Variants in DIP2A observed in about 807,000 individuals in gnomAD.
DIP2A encodes DIP2 acetate--CoA ligase A.
Under a neutral mutation model 177.4 loss-of-function variants are expected in DIP2A, and 85 were observed. The observed-to-expected ratio is 0.48, with a 90% confidence interval of 0.40 to 0.57. DIP2A has a LOEUF of 0.57. DIP2A is among the 20% of genes least tolerant of loss of function. The pLI, the probability that DIP2A is intolerant of heterozygous loss-of-function variation, is 0.00. For synonymous variants in DIP2A, 886 were observed against 881.8 expected, an observed-to-expected ratio of 1.00 and a Z score of -0.08; for missense variants, 1,791 against 2,100.2, an observed-to-expected ratio of 0.85 and a Z score of 2.88.
Position 46,549,891 on chromosome 21 carries a change from C to T in DIP2A, c.2637+6C>T, listed in dbSNP as rs769935089. 36 of 1,609,182 alleles carry T rather than the reference C, an allele frequency of 2.2e-5. No individual in the cohort carries two copies. In the East Asian group the frequency reaches 2.7e-4, roughly 12 times the overall value. On this transcript the variant is annotated splice_donor_region_variant and intron_variant, in intron 22 of 37. Coordinates refer to ENST00000417564, the MANE Select transcript of DIP2A (RefSeq NM_015151.4). ...GGATGAGCCGTGTGCTGCAGGTGGG[C>T]GCCCCGGCACGGCCTATGGTTCGGT...
intron 1 of DIP2A, among the ~76,000 whole-genome samples, chr21:46,470,366 C>T (rs1339305184): frequency 6.6e-6 from 1 of 151,958 alleles, no homozygotes; most frequent in Non-Finnish European, 1.5e-5. Flanking sequence ...CCCAGCTACT[C>T]GGAACGCTGA....
intron 1 of DIP2A, among the ~76,000 whole-genome samples, chr21:46,482,524 C>T (rs1200662058): frequency 6.6e-6 from 1 of 152,088 alleles, no homozygotes; most frequent in Non-Finnish European, 1.5e-5. Flanking sequence ...ATTTACTGTA[C>T]AATTTATTGT....
At chr21:46,477,769 A>G (rs2056030211) in intron 1 of DIP2A, among the ~76,000 whole-genome samples, 1 of 151,116 alleles carries the variant, frequency 6.6e-6, no homozygotes, top group Admixed American at 6.6e-5. Flanking sequence ...TTTTTGGTAG[A>G]GGCAGGGTTT....
intron 8 of DIP2A, among the ~76,000 whole-genome samples, chr21:46,518,008 T>G (rs1265057411): frequency 1.3e-5 from 2 of 152,288 alleles, no homozygotes; most frequent in African/African-American, 2.4e-5. Flanking sequence ...GCAGGAGTGC[T>G]GGTCTGCCAC....
the DIP2A span, among the ~76,000 whole-genome samples, chr21:46,583,547 T>C: frequency 1.3e-5 from 2 of 152,228 alleles, no homozygotes; most frequent in South Asian, 2.1e-4. Context: ...TTGATATAGT[T>C]TGAATTTTTG....
intron 8 of DIP2A, among the ~76,000 whole-genome samples, chr21:46,517,464 C>T (rs1451852172): frequency 6.6e-6 from 1 of 152,160 alleles, no homozygotes; most frequent in African/African-American, 2.4e-5. Context: ...CCTCTTTCCC[C>T]TCCAAGTAGA....
At chr21:46,561,576 G>A in intron 33 of DIP2A, 172 bp from the exon 34 acceptor site, 1 of 854,968 alleles carries the variant, frequency 1.2e-6, no homozygotes, top group Non-Finnish European at 1.9e-6. Flanking sequence ...TGGGACCGCA[G>A]CGTGGTTGGG....
At position 46,538,497 on chromosome 21, in the gene DIP2A, G is replaced by T. The variant is rs1186066353; in HGVS notation, c.1816G>T (p.Val606Leu). Reference protein sequence around the residue: ...VCFYKARAALVKSRDMHWSLL... With the variant: ...VCFYKARAALLKSRDMHWSLL... Reference sequence around the variant, plus strand: ...TCTCTCTGCAGCTCGGGCCGCGCTGGTGAAGTCGCGAGACATGCACTGGTC... The same window carrying T: ...TCTCTCTGCAGCTCGGGCCGCGCTGTTGAAGTCGCGAGACATGCACTGGTC... The change falls in exon 16 of 38, where the codon GTG (valine) becomes TTG (leucine). Residue 606 changes from valine (V) to leucine (L), a missense_variant. Physicochemically the swap from Val to Leu is conservative, Grantham distance 32 (BLOSUM62 1). Coordinates refer to ENST00000417564, the MANE Select transcript of DIP2A (RefSeq NM_015151.4). 6.5e-7 allele frequency: 1 copy of T among 1,548,262 alleles called. No homozygotes were observed. Among genetic ancestry groups the T allele is most frequent in the Admixed American group, 1.9e-5 (1 of 51,386 alleles).
At chr21:46,566,105 G>A (rs894397184) in intron 36 of DIP2A, among the ~76,000 whole-genome samples, 8 of 152,130 alleles carry the variant, frequency 5.3e-5, no homozygotes, top group African/African-American at 1.7e-4. Context: ...TGCTGAGGGC[G>A]TGGGGGACGG....
intron 4 of DIP2A, 86 bp downstream of exon 4, chr21:46,497,193 A>G: frequency 4.7e-6 from 7 of 1,494,382 alleles, no homozygotes; most frequent in Non-Finnish European, 6.3e-6. Flanking sequence ...TTGAGTTGGA[A>G]TATCCGTCTG....
intron 2 of DIP2A, among the ~76,000 whole-genome samples, chr21:46,488,187 C>G (rs1398964529): frequency 6.6e-6 from 1 of 152,202 alleles, no homozygotes; most frequent in Non-Finnish European, 1.5e-5. Context: ...ATAGCTGGTA[C>G]TATCCTTCTG....
chr21:46,484,904 G>A (rs1303198507), intron 2 of DIP2A, 76 bp downstream of exon 2: 8 of 1,392,536 alleles, frequency 5.7e-6, no homozygotes, highest in South Asian at 1.4e-5. Context: ...TGTTTTTAGA[G>A]TTTAACATTT....
intron 20 of DIP2A, chr21:46,546,181 G>A: frequency 3.0e-6 from 4 of 1,325,584 alleles, no homozygotes; most frequent in Non-Finnish European, 3.9e-6. Flanking sequence ...CTGAGTCGGG[G>A]GTCCCCGGGG....
At chr21:46,581,512 G>A in the DIP2A span, among the ~76,000 whole-genome samples, 3 of 152,130 alleles carry the variant, frequency 2.0e-5, no homozygotes, top group Non-Finnish European at 2.9e-5. Flanking sequence ...TCAGTCATTC[G>A]AAGGAGAAGA....
downstream of DIP2A, among the ~76,000 whole-genome samples, chr21:46,573,381 TGGGCACA>T (rs2060978883): frequency 6.6e-6 from 1 of 151,898 alleles, no homozygotes; most frequent in African/African-American, 2.4e-5. Context: ...ATATATTCAC[TGGGCACA>T]GTGGCTCATG....
At chr21:46,486,623 T>G (rs1187155870) in intron 2 of DIP2A, among the ~76,000 whole-genome samples, 1 of 152,168 alleles carries the variant, frequency 6.6e-6, no homozygotes, top group Non-Finnish European at 1.5e-5. Context: ...AATGAGCAAA[T>G]GTAAAGATGT....
Position 46,532,263 on chromosome 21 carries a change from G to A in DIP2A, c.1305+26G>A, listed in dbSNP as rs532917280. On this transcript the variant is annotated intron_variant, in intron 10 of 37. Transcript: ENST00000417564. Reference sequence around the variant, plus strand: ...GTAGCAAACCCATGGCTCAGGTCCCGTGTGGTTCGCTTCTGAACTTGATAC... The same window carrying A: ...GTAGCAAACCCATGGCTCAGGTCCCATGTGGTTCGCTTCTGAACTTGATAC... 4.5e-5 allele frequency: 71 copies of A among 1,589,906 alleles called. 1 individual carries two copies. In the Admixed American group the frequency reaches 6.4e-4, roughly 14 times the overall value.
At position 46,567,737 on chromosome 21, in the gene DIP2A, A is replaced by C. The variant is rs1004106157; in HGVS notation, c.*115A>C. 19 of 1,320,648 alleles carry C rather than the reference A, an allele frequency of 1.4e-5. No homozygotes were observed. Among genetic ancestry groups the C allele is most frequent in the Non-Finnish European group, 1.8e-5 (18 of 979,916 alleles). 81.8% of individuals were successfully genotyped at this position (1,320,648 alleles called of 1,614,324 possible). ...GGACTCGCCCTTCCTGTGCTCTTAC[A>C]GATCCCTCTCAACAATCCCCGCATC... On this transcript the variant is annotated 3_prime_UTR_variant, in exon 38 of 38. Coordinates refer to ENST00000417564, the MANE Select transcript of DIP2A (RefSeq NM_015151.4).
intron 8 of DIP2A, among the ~76,000 whole-genome samples, chr21:46,515,882 T>C (rs2058552746): frequency 6.6e-6 from 1 of 152,210 alleles, no homozygotes; most frequent in Non-Finnish European, 1.5e-5. Flanking sequence ...TACATTTTTA[T>C]TCTTTCTTTT....
Sources: allele counts gnomAD v4.1 joint callset (sites outside exome capture counted in the v4.1 genomes callset), GRCh38; gene constraint gnomAD v4.1.1; transcripts MANE v1.5; gene names NCBI Gene and HGNC (gene_info 2026-07-23, HGNC 2026-07-21).